CTIF: variants seen among roughly 807,000 people sequenced by gnomAD.
The protein encoded by CTIF is CBP80/20-dependent translation initiation factor.
Under a neutral mutation model 66.0 loss-of-function variants are expected in CTIF, and 21 were observed. That is an observed-to-expected ratio of 0.32 (90% CI 0.23 to 0.46). The LOEUF is 0.46. CTIF is among the 20% of genes least tolerant of loss of function. CTIF has a pLI of 1.00. For missense variants in CTIF, 739 were observed against 812.7 expected, an observed-to-expected ratio of 0.91 and a Z score of 1.10; for synonymous variants, 345 against 326.4, an observed-to-expected ratio of 1.06 and a Z score of -0.62.
intron 5 of CTIF, 43 bp downstream of exon 5, chr18:48,664,594 G>A (rs746179277): frequency 6.4e-7 from 1 of 1,563,530 alleles, no homozygotes; most frequent in African/African-American, 1.3e-5. Flanking sequence ...GGTGGGGCAG[G>A]GGACGGGAGT....
At chr18:48,730,257 G>C (rs966903395) in intron 7 of CTIF, among the ~76,000 whole-genome samples, 1 of 148,710 alleles carries the variant, frequency 6.7e-6, no homozygotes, top group African/African-American at 2.5e-5. Context: ...GGTGTGAGGG[G>C]CCCCCGCAGT....
chr18:48,683,504 C>G (rs1288477144), intron 6 of CTIF, among the ~76,000 whole-genome samples: 1 of 151,476 alleles, frequency 6.6e-6, no homozygotes, highest in Non-Finnish European at 1.5e-5. Context: ...CTTCTGGATC[C>G]AAGCCTTCAC....
chr18:48,587,826 G>A (rs2089804850), intron 1 of CTIF, among the ~76,000 whole-genome samples: 1 of 152,116 alleles, frequency 6.6e-6, no homozygotes, highest in Non-Finnish European at 1.5e-5. Context: ...AATCCATTTT[G>A]ACGTTTTTGC....
chr18:48,818,701 C>A (rs1416808509), intron 10 of CTIF, among the ~76,000 whole-genome samples: 2 of 152,088 alleles, frequency 1.3e-5, no homozygotes, highest in African/African-American at 2.4e-5. Flanking sequence ...CAGCCCTTCA[C>A]TGGGACCTGG....
At chr18:48,733,537 T>A (rs1462489373) in intron 7 of CTIF, among the ~76,000 whole-genome samples, 1 of 152,128 alleles carries the variant, frequency 6.6e-6, no homozygotes, top group East Asian at 1.9e-4. Flanking sequence ...GGGGAGGAGT[T>A]ACAGGGAAAC....
At chr18:48,550,992 G>T (rs916117690) in intron 1 of CTIF, among the ~76,000 whole-genome samples, 10 of 151,922 alleles carry the variant, frequency 6.6e-5, no homozygotes, top group African/African-American at 2.4e-4. Context: ...CAACTATCCT[G>T]TTCTGGGCTG....
chr18:48,817,593 C>T (rs529508761), intron 10 of CTIF, among the ~76,000 whole-genome samples: 73 of 152,144 alleles, frequency 4.8e-4, no homozygotes, highest in African/African-American at 1.6e-3. Flanking sequence ...CTGGCAAACA[C>T]GATGAAACCC....
intron 6 of CTIF, among the ~76,000 whole-genome samples, chr18:48,702,120 G>T (rs1183563758): frequency 2.0e-5 from 3 of 152,206 alleles, no homozygotes; most frequent in Non-Finnish European, 4.4e-5. Context: ...GGTGATCCAG[G>T]CTTAGCGACA....
chr18:48,697,052 G>A (rs2092018819), intron 6 of CTIF, among the ~76,000 whole-genome samples: 1 of 152,224 alleles, frequency 6.6e-6, no homozygotes, highest in African/African-American at 2.4e-5. Flanking sequence ...GCCTCTTGCA[G>A]AGCAAGAGAT....
chr18:48,633,535 C>G lies in CTIF; in HGVS notation c.181-3079C>G, dbSNP rs141400046. Among the ~76,000 whole-genome samples, 535 of 152,070 alleles carry G rather than the reference C, an allele frequency of 3.5e-3. 1 individual carries two copies. Among genetic ancestry groups the G allele is most frequent in the African/African-American group, 0.012 (518 of 41,450 alleles). ...TGGCCAACATGGTGAAACCCCATCT[C>G]TACTAAAAATACAACAATTAGTTGG... On this transcript the variant is annotated intron_variant, in intron 2 of 11. Transcript: ENST00000256413.
At chr18:48,662,480 G>A (rs1258606459) in intron 3 of CTIF, 2 of 152,082 alleles carry the variant, frequency 1.3e-5, no homozygotes, top group Non-Finnish European at 2.9e-5. Flanking sequence ...GTTCTCCCCA[G>A]ACAGTCCTCT....
chr18:48,570,984 A>G (rs1472334710), intron 1 of CTIF, among the ~76,000 whole-genome samples: 1 of 152,314 alleles, frequency 6.6e-6, no homozygotes, highest in Non-Finnish European at 1.5e-5. Context: ...AATGTACTAA[A>G]TGCCAGTGGA....
intron 6 of CTIF, among the ~76,000 whole-genome samples, chr18:48,700,251 T>A (rs2092064768): frequency 6.6e-6 from 1 of 152,248 alleles, no homozygotes; most frequent in African/African-American, 2.4e-5. Flanking sequence ...GTGACTTTGT[T>A]CGTCCTTTGC....
chr18:48,779,521 G>A (rs904927775), intron 9 of CTIF, among the ~76,000 whole-genome samples: 4 of 152,240 alleles, frequency 2.6e-5, no homozygotes, highest in African/African-American at 9.6e-5. Flanking sequence ...AGAGGTGACA[G>A]GGAAACGAGA....
chr18:48,829,176 G>A lies in CTIF; in HGVS notation c.1527+11800G>A, dbSNP rs142695448. Among the ~76,000 whole-genome samples, 19 of 152,288 alleles carry A rather than the reference G, an allele frequency of 1.2e-4. 1 individual carries two copies. In the East Asian group the frequency reaches 3.7e-3, roughly 29 times the overall value. ...AGAGTTGTGGGTACAAGATGTATATGTACACAGGCACAAGCATCCGTCTAG... is the reference window on the plus strand; with the variant it reads ...AGAGTTGTGGGTACAAGATGTATATATACACAGGCACAAGCATCCGTCTAG... On this transcript the variant is annotated intron_variant, in intron 10 of 11. Transcript: ENST00000256413.
At position 48,668,462 on chromosome 18, in the gene CTIF, G is replaced by A. The variant is rs541156260; in HGVS notation, c.432-2207G>A. Among the ~76,000 whole-genome samples the A allele has an allele frequency of 1.5e-3, 235 of 152,276 alleles. 1 individual carries two copies. Among genetic ancestry groups the A allele is most frequent in the African/African-American group, 4.7e-3 (195 of 41,538 alleles). ...GAGTTAAGAGATGTTTGGATGTTCC[G>A]GGCCTTTCTCCACCTGCTCACCTGT... On this transcript the variant is annotated intron_variant, in intron 5 of 11. Transcript: ENST00000256413.
intron 1 of CTIF, among the ~76,000 whole-genome samples, chr18:48,583,241 A>G (rs1599184117): frequency 6.6e-6 from 1 of 152,202 alleles, no homozygotes; most frequent in African/African-American, 2.4e-5. Flanking sequence ...CTTTGGCCCT[A>G]AGAGTCTTAG....
intron 1 of CTIF, among the ~76,000 whole-genome samples, chr18:48,592,892 G>A (rs2089917273): frequency 6.6e-6 from 1 of 152,256 alleles, no homozygotes; most frequent in Non-Finnish European, 1.5e-5. Flanking sequence ...ACATCTGGGG[G>A]CTTCCTCTTG....
chr18:48,701,298 G>T (rs143293319), intron 6 of CTIF, among the ~76,000 whole-genome samples: 1 of 152,298 alleles, frequency 6.6e-6, no homozygotes, highest in African/African-American at 2.4e-5. Flanking sequence ...CAGTTCAGAA[G>T]TGTGTCCAGG....
Sources: allele counts gnomAD v4.1 joint callset (sites outside exome capture counted in the v4.1 genomes callset), GRCh38; gene constraint gnomAD v4.1.1; transcripts MANE v1.5; gene names NCBI Gene and HGNC (gene_info 2026-07-23, HGNC 2026-07-21).